Variants in YWHAZ observed in about 807,000 individuals in gnomAD.
YWHAZ encodes 14-3-3 protein zeta/delta.
For missense variants in YWHAZ, 79 were observed against 284.8 expected (o/e 0.28, Z 5.20); for synonymous variants, 87 against 103.6 (o/e 0.84, Z 0.97).
rs1812904162 is a variant in YWHAZ, at chr8:100,919,939, T to G, written c.*754A>C. 1 of 152,588 alleles carries G rather than the reference T, an allele frequency of 6.6e-6. No homozygotes were observed. The highest frequency in any genetic ancestry group is 2.1e-4 in the South Asian group (1 of 4,832). The allele number at this position is 152,588 out of a possible 1,614,324, so 9.5% of individuals were successfully genotyped here. On this transcript the variant is annotated 3_prime_UTR_variant, in exon 6 of 6. Coordinates refer to ENST00000395958, the MANE Select transcript of YWHAZ (RefSeq NM_145690.3). ...AATACATGGGTTTTTGTTTTACTGC[T>G]GTGCTTGATATACATGAAGTAATGA... is the stretch of plus-strand genomic sequence containing the variant.
chr8:100,950,384 A>AC (rs1224354158), intron 1 of YWHAZ: 4 of 985,362 alleles, frequency 4.1e-6, no homozygotes, highest in Non-Finnish European at 4.8e-6. Flanking sequence ...GGCAGGACTC[A>AC]CCGCACCCAT....
intron 5 of YWHAZ, 184 bp downstream of exon 5, chr8:100,923,769 AAT>A (rs1335419436): frequency 4.2e-6 from 2 of 474,694 alleles, no homozygotes; most frequent in African/African-American, 4.0e-5. Context: ...TTCTCAGTCT[AAT>A]ATTTCAGTTT....
At chr8:100,952,302 A>C (rs941865902), upstream of YWHAZ, 26 of 283,648 alleles carry the variant, frequency 9.2e-5, no homozygotes, top group Non-Finnish European at 1.6e-5. Context: ...GCTTGTCCCG[A>C]GTGCACCTAG....
rs1425386444 is a variant in YWHAZ, at chr8:100,922,097, T to C, written c.679-1345A>G. ...TCCTGTCAAACAAGGGGTTTTGTAA[T>C]TGCAAGATGAAATTGTTTCTAATGT... On this transcript the variant is annotated intron_variant, in intron 5 of 5. Coordinates refer to ENST00000395958, the MANE Select transcript of YWHAZ (RefSeq NM_145690.3). The surrounding 1 kb of genome is among the most constrained non-coding windows in gnomAD (Gnocchi z 4.1). 1.3e-5 allele frequency among the ~76,000 whole-genome samples: 2 copies of C among 152,208 alleles called. No homozygotes were observed. Among genetic ancestry groups the C allele is most frequent in the Non-Finnish European group, 2.9e-5 (2 of 68,034 alleles).
chr8:100,926,198 AT>A (rs55947914), intron 2 of YWHAZ, among the ~76,000 whole-genome samples: 85,174 of 142,074 alleles, frequency 0.6, 25,113 homozygotes, highest in Middle Eastern at 0.69. Flanking sequence ...TCTTCCCCCA[AT>A]TTTTTTTTTT....
At position 100,920,441 on chromosome 8, in the gene YWHAZ, A is replaced by G. The variant is rs1563665144; in HGVS notation, c.*252T>C. ...ACCAAAAGTACTATGCCAAACACTT[A>G]TAACTTGTATAAAAATTCCACATCC... On this transcript the variant is annotated 3_prime_UTR_variant, in exon 6 of 6. Coordinates refer to ENST00000395958, the MANE Select transcript of YWHAZ (RefSeq NM_145690.3). The G allele has an allele frequency of 5.8e-6, 3 of 520,718 alleles. No individual in the cohort carries two copies. In the African/African-American group the frequency reaches 5.8e-5, roughly 10 times the overall value. 32.3% of individuals were successfully genotyped at this position (520,718 alleles called of 1,614,324 possible). A position where few individuals can be genotyped will look rare whatever the true frequency, so the allele number is the denominator to read the frequency against.
intron 2 of YWHAZ, among the ~76,000 whole-genome samples, chr8:100,926,372 C>T (rs1464664123): frequency 2.0e-5 from 3 of 152,218 alleles, no homozygotes; most frequent in Non-Finnish European, 4.4e-5. Flanking sequence ...AGGCCGGGCA[C>T]AGTGGCTCAT....
At chr8:100,946,946 A>G (rs991831111) in intron 2 of YWHAZ, among the ~76,000 whole-genome samples, 1 of 151,726 alleles carries the variant, frequency 6.6e-6, no homozygotes, top group Admixed American at 6.6e-5. Context: ...GAAAAAAAAA[A>G]TCACATTTTC....
intron 1 of YWHAZ, among the ~76,000 whole-genome samples, chr8:100,949,491 G>A (rs1414347559): frequency 2.0e-5 from 3 of 151,840 alleles, no homozygotes; most frequent in African/African-American, 4.8e-5. Context: ...AACAATTTGG[G>A]GGGGAATGAC....
chr8:100,950,673 AT>A (rs1810674228), intron 1 of YWHAZ: 2 of 863,794 alleles, frequency 2.3e-6, no homozygotes, highest in South Asian at 5.4e-5. Context: ...GGGGGGAGAG[AT>A]GGGGAGCGAA....
At chr8:100,940,062 CAAAAA>C (rs33984830) in intron 2 of YWHAZ, among the ~76,000 whole-genome samples, 1,886 of 99,002 alleles carry the variant, frequency 0.019, 17 homozygotes, top group Middle Eastern at 0.031. Context: ...GACTCCGTCT[CAAAAA>C]AAAAAAAAAA....
intron 1 of YWHAZ, among the ~76,000 whole-genome samples, chr8:100,949,348 T>C (rs1397754249): frequency 1.3e-5 from 2 of 152,182 alleles, no homozygotes; most frequent in Non-Finnish European, 2.9e-5. Flanking sequence ...TCATAATTCA[T>C]ATCAGTTTAA....
intron 2 of YWHAZ, among the ~76,000 whole-genome samples, chr8:100,933,429 G>A (rs1347797111): frequency 6.6e-6 from 1 of 151,830 alleles, no homozygotes; most frequent in African/African-American, 2.4e-5. Context: ...AGGACTCCCA[G>A]TGGTCGGCAT....
intron 1 of YWHAZ, 140 bp downstream of exon 1, chr8:100,951,789 G>C (rs1335845412): frequency 2.0e-6 from 2 of 985,298 alleles, no homozygotes; most frequent in African/African-American, 3.5e-5. Flanking sequence ...GCCCGTGTCC[G>C]CTGAGGAGAC....
chr8:100,920,771 A>C lies in YWHAZ; in HGVS notation c.679-19T>G. 1.9e-6 allele frequency: 1 copy of C among 520,156 alleles called. No homozygotes were observed. 32.2% of individuals were successfully genotyped at this position (520,156 alleles called of 1,614,324 possible). A position where few individuals can be genotyped will look rare whatever the true frequency, so the allele number is the denominator to read the frequency against. ...TCCACAACTGGTAAAAGAAGGAAAGATTTTTCAGCAAGTTTCAGTGGGATG... is the reference window on the plus strand; with the variant it reads ...TCCACAACTGGTAAAAGAAGGAAAGCTTTTTCAGCAAGTTTCAGTGGGATG... On this transcript the variant is annotated intron_variant, in intron 5 of 5. Transcript: ENST00000395958.
intron 2 of YWHAZ, among the ~76,000 whole-genome samples, chr8:100,937,852 C>T (rs758732067): frequency 3.9e-5 from 6 of 152,170 alleles, no homozygotes; most frequent in Non-Finnish European, 7.3e-5. Context: ...AAAAATCGGC[C>T]GGGTGCAGTG....
intron 1 of YWHAZ, among the ~76,000 whole-genome samples, chr8:100,949,214 T>C (rs1361816488): frequency 6.6e-6 from 1 of 152,186 alleles, no homozygotes; most frequent in East Asian, 1.9e-4. Context: ...ACCCCTAATC[T>C]TACCTGATCA....
chr8:100,948,223 A>G lies in YWHAZ; in HGVS notation c.294+373T>C, dbSNP rs1230450095. On this transcript the variant is annotated intron_variant, in intron 2 of 5. Coordinates refer to ENST00000395958, the MANE Select transcript of YWHAZ (RefSeq NM_145690.3). This position sits in a 1 kb window ranked among gnomAD's most constrained non-coding sequence, Gnocchi z 4.2. ...GTATCCTATTACATCTCTCTTACCT[A>G]AAGTATGTAAAATTCCTTTATCCAC... 1.0e-5 allele frequency: 13 copies of G among 1,248,236 alleles called. No individual in the cohort carries two copies. Among genetic ancestry groups the G allele is most frequent in the African/African-American group, 6.1e-5 (4 of 66,076 alleles). 77.3% of individuals were successfully genotyped at this position (1,248,236 alleles called of 1,614,324 possible).
Position 100,934,260 on chromosome 8 carries a change from G to A in YWHAZ, c.295-9221C>T, listed in dbSNP as rs187135484. Among the ~76,000 whole-genome samples, 283 of 150,746 alleles carry A rather than the reference G, an allele frequency of 1.9e-3. 2 individuals carry two copies. Among genetic ancestry groups the A allele is most frequent in the African/African-American group, 6.7e-3 (274 of 41,044 alleles). Reference sequence around the variant, plus strand: ...AGATGGGAGGATCACTTGAGCACAGGATGTCATGGCTGCAGTGAGTGCACC... The same window carrying A: ...AGATGGGAGGATCACTTGAGCACAGAATGTCATGGCTGCAGTGAGTGCACC... On this transcript the variant is annotated intron_variant, in intron 2 of 5. Coordinates refer to ENST00000395958, the MANE Select transcript of YWHAZ (RefSeq NM_145690.3).
Sources: allele counts gnomAD v4.1 joint callset (sites outside exome capture counted in the v4.1 genomes callset), GRCh38; gene constraint gnomAD v4.1.1; non-coding constraint Gnocchi (gnomAD v3.1); transcripts MANE v1.5; gene names NCBI Gene and HGNC (gene_info 2026-07-23, HGNC 2026-07-21).